Variants in PSD4 observed in about 807,000 individuals in gnomAD.
PSD4 encodes the protein PH and SEC7 domain-containing protein 4.
A neutral mutation model predicts 112.5 loss-of-function variants in PSD4; 59 were observed. That is an observed-to-expected ratio of 0.52 (90% CI 0.43 to 0.65). The LOEUF (loss-of-function observed/expected upper bound fraction) is 0.65, where lower values mean the gene tolerates loss of function less well. PSD4 is among the 30% of genes least tolerant of loss of function. PSD4 has a pLI of 0.00. For synonymous variants in PSD4, 533 were observed against 540.0 expected, an observed-to-expected ratio of 0.99 and a Z score of 0.18; for missense variants, 1,267 against 1,352.6, an observed-to-expected ratio of 0.94 and a Z score of 0.99.
intron 1 of PSD4, among the ~76,000 whole-genome samples, chr2:113,176,202 G>A (rs1246047304): frequency 1.3e-5 from 2 of 152,232 alleles, no homozygotes; most frequent in East Asian, 3.8e-4. Flanking sequence ...GGCTGAGGGT[G>A]AAAAACAAAC....
Position 113,183,259 on chromosome 2 carries a change from G to T in PSD4, c.803G>T (p.Trp268Leu). ...ENSASGECFS[W>L]GASDSHAGVR... ...AGTGCTTCTGGAGAGTGCTTTTCCTGGGGGGCTTCAGACTCCCATGCAGGT... is the reference window on the plus strand; with the variant it reads ...AGTGCTTCTGGAGAGTGCTTTTCCTTGGGGGCTTCAGACTCCCATGCAGGT... Residue 268 changes from tryptophan to leucine, a missense_variant, in exon 2 of 17, where the codon TGG (tryptophan) becomes TTG (leucine). Trp to Leu is a moderately conservative substitution (Grantham distance 61, BLOSUM62 -2). Coordinates refer to ENST00000245796, the MANE Select transcript of PSD4 (RefSeq NM_012455.3). 6.2e-7 allele frequency: 1 copy of T among 1,614,120 alleles called. No homozygotes were observed. The highest frequency in any genetic ancestry group is 8.5e-7 in the Non-Finnish European group (1 of 1,179,982).
chr2:113,201,026 G>T, intron 16 of PSD4, 132 bp from the exon 17 acceptor site: 1 of 1,159,012 alleles, frequency 8.6e-7, no homozygotes, highest in Non-Finnish European at 1.2e-6. Context: ...ACTCACGGTT[G>T]GTCCAGCCCT....
chr2:113,193,912 G>A lies in PSD4; in HGVS notation c.2145G>A (p.Leu715=), dbSNP rs768032702. 11 of 1,614,062 alleles carry A rather than the reference G, an allele frequency of 6.8e-6. No individual in the cohort carries two copies. In the African/African-American group the frequency reaches 1.1e-4, roughly 16 times the overall value. ...AATTCATAACCAACCTGAATGGGCT[G>A]AGGGATGGCGGGAACTTCCCCAAGG... ...CQEFITNLNG[L]RDGGNFPKEL... Residue 715 remains leucine (L), a synonymous_variant, in exon 10 of 17, where the codon CTG becomes CTA. Coordinates refer to ENST00000245796, the MANE Select transcript of PSD4 (RefSeq NM_012455.3).
chr2:113,189,204 C>A (rs1688386653), intron 5 of PSD4, among the ~76,000 whole-genome samples: 1 of 152,020 alleles, frequency 6.6e-6, no homozygotes, highest in Admixed American at 6.6e-5. Flanking sequence ...ATAATAGTTT[C>A]CAATCTCATC....
Position 113,185,863 on chromosome 2 carries a change from A to C in PSD4, c.1250-14A>C, listed in dbSNP as rs1688283890. 6.2e-7 allele frequency: 1 copy of C among 1,605,230 alleles called. No individual in the cohort carries two copies. Among genetic ancestry groups the C allele is most frequent in the African/African-American group, 1.3e-5 (1 of 74,742 alleles). Reference sequence around the variant, plus strand: ...TCCTGCCCTGTGCCCGCCTCACTTCATGTTCTTCCTCAGATGAGAGGGAGG... The same window carrying C: ...TCCTGCCCTGTGCCCGCCTCACTTCCTGTTCTTCCTCAGATGAGAGGGAGG... On this transcript the variant is annotated splice_polypyrimidine_tract_variant and intron_variant, in intron 4 of 16. Transcript: ENST00000245796.
At chr2:113,181,203 G>T (rs918936565) in intron 1 of PSD4, among the ~76,000 whole-genome samples, 1 of 149,960 alleles carries the variant, frequency 6.7e-6, no homozygotes, top group African/African-American at 2.5e-5. Context: ...ACTCCAACCC[G>T]GGTGACAGAG....
intron 10 of PSD4, among the ~76,000 whole-genome samples, 158 bp downstream of exon 10, chr2:113,194,106 C>A (rs796584329): frequency 6.6e-6 from 1 of 152,168 alleles, no homozygotes; most frequent in Admixed American, 6.5e-5. Context: ...TATTCCCTGG[C>A]GGGCAGCATC....
chr2:113,186,342 C>T (rs1032436217), intron 5 of PSD4, 87 bp downstream of exon 5: 1 of 1,375,066 alleles, frequency 7.3e-7, no homozygotes, highest in Non-Finnish European at 9.8e-7. Flanking sequence ...GAGAAATGCA[C>T]ATTGGAATTA....
In PSD4 at chr2:113,201,615, C is replaced by A. The variant is rs1688781370; in HGVS notation, c.*200C>A. 2.7e-6 allele frequency: 2 copies of A among 737,364 alleles called. No homozygotes were observed. Among genetic ancestry groups the A allele is most frequent in the Non-Finnish European group, 2.2e-6 (1 of 465,072 alleles). 45.7% of individuals were successfully genotyped at this position (737,364 alleles called of 1,614,324 possible). On this transcript the variant is annotated 3_prime_UTR_variant, in exon 17 of 17. Coordinates refer to ENST00000245796, the MANE Select transcript of PSD4 (RefSeq NM_012455.3). ...CCTAATATTGCTGTGCTCCCCACCA[C>A]CCCCATGGCAGTCCCTCCGCAGCCC...
chr2:113,182,432 C>T lies in PSD4; in HGVS notation c.-25C>T, dbSNP rs1161852554. On this transcript the variant is annotated 5_prime_UTR_variant, in exon 2 of 17. Coordinates refer to ENST00000245796, the MANE Select transcript of PSD4 (RefSeq NM_012455.3). Reference sequence around the variant, plus strand: ...CCGTGAAAGCAGATGCTCCGGGGCACTCCTGGGCAGCTTTTGCTCAGTGGA... The same window carrying T: ...CCGTGAAAGCAGATGCTCCGGGGCATTCCTGGGCAGCTTTTGCTCAGTGGA... 6.3e-7 allele frequency: 1 copy of T among 1,576,960 alleles called. No homozygotes were observed. The highest frequency in any genetic ancestry group is 8.6e-7 in the Non-Finnish European group (1 of 1,157,196).
rs1464539312 is a variant in PSD4, at chr2:113,197,557, G to C, written c.2387-7G>C. ...CCTACAACATTTGTGTTCTGTTCCT[G>C]GAACAGCGCCATGGGGCAAGCGTGG... On this transcript the variant is annotated splice_region_variant and splice_polypyrimidine_tract_variant and intron_variant, in intron 12 of 16. Coordinates refer to ENST00000245796, the MANE Select transcript of PSD4 (RefSeq NM_012455.3). The C allele has an allele frequency of 6.2e-7, 1 of 1,614,066 alleles. No individual in the cohort carries two copies. The highest frequency in any genetic ancestry group is 8.5e-7 in the Non-Finnish European group (1 of 1,180,022).
At chr2:113,189,346 T>C (rs562898158) in intron 5 of PSD4, among the ~76,000 whole-genome samples, 1 of 133,214 alleles carries the variant, frequency 7.5e-6, no homozygotes, top group African/African-American at 2.9e-5. Flanking sequence ...ATTGAATATA[T>C]AATAGTATAT....
rs1688249140 is a variant in PSD4, at chr2:113,184,873, G to A, written c.1057-84G>A. Reference sequence around the variant, plus strand: ...GACTGTGAAGGGAGGAGGCTTCATGGGATTTGAGAAAGGCCCTGGGAGCAA... The same window carrying A: ...GACTGTGAAGGGAGGAGGCTTCATGAGATTTGAGAAAGGCCCTGGGAGCAA... On this transcript the variant is annotated intron_variant, in intron 2 of 16. Coordinates refer to ENST00000245796, the MANE Select transcript of PSD4 (RefSeq NM_012455.3). 9 of 1,572,946 alleles carry A rather than the reference G, an allele frequency of 5.7e-6. No homozygotes were observed. In the Admixed American group the frequency reaches 1.5e-4, roughly 27 times the overall value.
rs1688875071 is a variant in PSD4 at position 113,207,225 on chromosome 2, AT to A, written c.*5811del. On this transcript the variant is annotated 3_prime_UTR_variant, in exon 17 of 17. Coordinates refer to ENST00000245796, the MANE Select transcript of PSD4 (RefSeq NM_012455.3). ...TCACTAGAGCCAGGGGTTTAAGGAG[AT>A]CAGAGTCCACTTCTGGAGAGGATGA... 1 of 152,140 alleles carries A rather than the reference AT, an allele frequency of 6.6e-6. No individual in the cohort carries two copies. Among genetic ancestry groups the A allele is most frequent in the South Asian group, 2.1e-4 (1 of 4,822 alleles). 9.4% of individuals were successfully genotyped at this position (152,140 alleles called of 1,614,324 possible).
rs1445352233 is a variant in PSD4, at chr2:113,207,594, C to G, written c.*6179C>G. 1 of 149,120 alleles carries G rather than the reference C, an allele frequency of 6.7e-6. No individual in the cohort carries two copies. Among genetic ancestry groups the G allele is most frequent in the Non-Finnish European group, 1.5e-5 (1 of 67,196 alleles). The allele number at this position is 149,120 out of a possible 1,614,324, so 9.2% of individuals were successfully genotyped here. A position where few individuals can be genotyped will look rare whatever the true frequency, so the allele number is the denominator to read the frequency against. ...GCCTCAGCCTCCCGAGTAGCTGGGA[C>G]TACAGGCGCCCGCTACCATGCCCGG... On this transcript the variant is annotated 3_prime_UTR_variant, in exon 17 of 17. Coordinates refer to ENST00000245796, the MANE Select transcript of PSD4 (RefSeq NM_012455.3).
At chr2:113,193,821 G>A in intron 9 of PSD4, 38 bp from the exon 10 acceptor site, 1 of 1,595,094 alleles carries the variant, frequency 6.3e-7, no homozygotes, top group Non-Finnish European at 8.6e-7. Flanking sequence ...TTGGGATGGG[G>A]TGTGTGCTCG....
At chr2:113,188,436 GC>G (rs1688359418) in intron 5 of PSD4, among the ~76,000 whole-genome samples, 1 of 152,032 alleles carries the variant, frequency 6.6e-6, no homozygotes, top group Admixed American at 6.5e-5. Context: ...TAGAGAGGGG[GC>G]TTCACCATGT....
intron 5 of PSD4, among the ~76,000 whole-genome samples, chr2:113,187,541 A>G (rs1293185941): frequency 6.6e-6 from 1 of 152,138 alleles, no homozygotes; most frequent in Admixed American, 6.6e-5. Context: ...GTGGTGACCT[A>G]TGACCCAGTG....
intron 1 of PSD4, among the ~76,000 whole-genome samples, chr2:113,174,602 G>T (rs545793021): frequency 2.0e-5 from 3 of 152,210 alleles, no homozygotes; most frequent in African/African-American, 7.2e-5. Context: ...GCCATCAGGG[G>T]GCTCCCAGCT....
Sources: gnomAD v4.1 joint callset for allele counts (sites outside exome capture counted in the v4.1 genomes callset) on GRCh38, gnomAD v4.1.1 for gene constraint, MANE v1.5 for transcripts, NCBI Gene and HGNC (gene_info 2026-07-23, HGNC 2026-07-21) for gene names.